The following LARGE1 variants were observed in gnomAD, a reference collection of about 807,000 sequenced individuals.
The protein encoded by LARGE1 is LARGE xylosyl- and glucuronyltransferase 1.
Under a neutral mutation model 87.6 loss-of-function variants are expected in LARGE1, and 43 were observed. The ratio of observed to expected loss-of-function variants is 0.49; its 90% CI spans 0.38 to 0.63. The LOEUF is 0.63. Ranked by LOEUF, LARGE1 falls within the 30% of genes least tolerant of loss-of-function variation. The probability of loss-of-function intolerance (pLI) is 0.00; values close to 1 mark genes in which losing one functional copy is unlikely to be tolerated. For synonymous variants in LARGE1, 434 were observed against 394.6 expected (o/e 1.10, Z -1.18); for missense variants, 802 against 1,000.2 (o/e 0.80, Z 2.67).
intron 2 of LARGE1, among the ~76,000 whole-genome samples, chr22:33,666,520 G>A (rs572094073): frequency 6.2e-4 from 94 of 152,272 alleles, no homozygotes; most frequent in Admixed American, 9.2e-4. Flanking sequence ...CAATAGAGAC[G>A]CACCTATTCT....
chr22:33,183,653 C>G (rs4381873), intron 11 of LARGE1, among the ~76,000 whole-genome samples: 50,848 of 149,862 alleles, frequency 0.34, 9,030 homozygotes, highest in Non-Finnish European at 0.39. Flanking sequence ...CACACACACA[C>G]AGTATTTAGC....
Position 33,541,689 on chromosome 22 carries a change from C to G in LARGE1, c.787+23159G>C, listed in dbSNP as rs74748527. Reference sequence around the variant, plus strand: ...TCTTTTTGTGCTGACTGCCCTCATCCTGTCTGGAGTCATCGTCTTACTGTT... The same window carrying G: ...TCTTTTTGTGCTGACTGCCCTCATCGTGTCTGGAGTCATCGTCTTACTGTT... On this transcript the variant is annotated intron_variant, in intron 6 of 14. Transcript: ENST00000397394. 1.7e-3 allele frequency among the ~76,000 whole-genome samples: 264 copies of G among 151,272 alleles called. 1 individual carries two copies. Among genetic ancestry groups the G allele is most frequent in the African/African-American group, 6.1e-3 (250 of 41,168 alleles).
At chr22:33,333,562 C>T (rs1938023563) in intron 10 of LARGE1, among the ~76,000 whole-genome samples, 1 of 152,202 alleles carries the variant, frequency 6.6e-6, no homozygotes, top group Non-Finnish European at 1.5e-5. Context: ...TCTCTTTTAA[C>T]AGTTCACTTC....
chr22:33,607,232 T>C (rs760241881), intron 4 of LARGE1, among the ~76,000 whole-genome samples: 3 of 151,938 alleles, frequency 2.0e-5, no homozygotes, highest in Non-Finnish European at 4.4e-5. Context: ...GAGGCCGAGG[T>C]GGGCGGATCA....
At chr22:33,754,677 T>C (rs2084444382) in intron 2 of LARGE1, among the ~76,000 whole-genome samples, 2 of 152,234 alleles carry the variant, frequency 1.3e-5, no homozygotes, top group Admixed American at 6.5e-5. Context: ...ACACAACTTT[T>C]GTATTATAAG....
At chr22:33,149,007 T>C in the LARGE1 span, among the ~76,000 whole-genome samples, 1 of 151,802 alleles carries the variant, frequency 6.6e-6, no homozygotes, top group Non-Finnish European at 1.5e-5. Flanking sequence ...TATTTTTTCC[T>C]GGTTTATGGC....
intron 6 of LARGE1, among the ~76,000 whole-genome samples, chr22:33,507,457 G>C (rs5994760): frequency 0.02 from 3,076 of 151,980 alleles, 80 homozygotes; most frequent in African/African-American, 0.058. Flanking sequence ...AAAAAAACCC[G>C]CAAACATCAT....
At chr22:33,530,640 T>C (rs2072152150) in intron 6 of LARGE1, among the ~76,000 whole-genome samples, 1 of 152,180 alleles carries the variant, frequency 6.6e-6, no homozygotes, top group Non-Finnish European at 1.5e-5. Flanking sequence ...AAGCTAGGCA[T>C]AGTTGCGCTC....
the LARGE1 span, among the ~76,000 whole-genome samples, chr22:33,072,168 T>C: frequency 6.6e-6 from 1 of 152,182 alleles, no homozygotes; most frequent in Non-Finnish European, 1.5e-5. Flanking sequence ...TCTCTCGAGA[T>C]CTGCTCAAAA....
At chr22:33,339,797 T>C (rs1416823633) in intron 9 of LARGE1, among the ~76,000 whole-genome samples, 1 of 152,092 alleles carries the variant, frequency 6.6e-6, no homozygotes, top group Non-Finnish European at 1.5e-5. Context: ...GCCCTCTGAA[T>C]AGCTGGGACC....
chr22:33,170,319 A>T (rs1305296485), intron 11 of LARGE1, among the ~76,000 whole-genome samples: 1 of 152,154 alleles, frequency 6.6e-6, no homozygotes, highest in African/African-American at 2.4e-5. Flanking sequence ...TAGTGAGCCG[A>T]GATCATGCCA....
chr22:33,803,772 T>C (rs980742493), intron 1 of LARGE1, among the ~76,000 whole-genome samples: 1 of 152,180 alleles, frequency 6.6e-6, no homozygotes, highest in Non-Finnish European at 1.5e-5. Flanking sequence ...GGAAGCTCAT[T>C]AGAGGTTCCG....
intron 12 of LARGE1, 106 bp from the exon 13 acceptor site, chr22:33,283,454 A>C (rs1930875466): frequency 8.0e-6 from 10 of 1,250,046 alleles, no homozygotes; most frequent in East Asian, 2.3e-5. Flanking sequence ...TGTGGGAAAG[A>C]AAGCTCAGGT....
chr22:33,810,806 T>C (rs928050340), intron 1 of LARGE1, among the ~76,000 whole-genome samples: 7 of 151,802 alleles, frequency 4.6e-5, no homozygotes, highest in African/African-American at 1.7e-4. Flanking sequence ...TCACTGCAAC[T>C]TCCGCCTCCC....
chr22:33,701,128 G>C (rs908370054), intron 2 of LARGE1, among the ~76,000 whole-genome samples: 10 of 152,092 alleles, frequency 6.6e-5, no homozygotes, highest in African/African-American at 2.4e-4. Context: ...GATCACACTC[G>C]GAGTGGTCAC....
At chr22:33,898,903 C>T (rs1382872577) in intron 1 of LARGE1, among the ~76,000 whole-genome samples, 3 of 152,160 alleles carry the variant, frequency 2.0e-5, no homozygotes, top group Non-Finnish European at 4.4e-5. Context: ...TGTTGTTTTC[C>T]AGGACCATTC....
chr22:33,099,542 G>A, the LARGE1 span, among the ~76,000 whole-genome samples: 22,654 of 152,116 alleles, frequency 0.15, 2,133 homozygotes, highest in East Asian at 0.41. Context: ...TTGAGCCACC[G>A]CGCCCGGCGA....
chr22:33,532,390 C>A (rs866360148), intron 6 of LARGE1, among the ~76,000 whole-genome samples: 1 of 152,214 alleles, frequency 6.6e-6, no homozygotes, highest in Non-Finnish European at 1.5e-5. Context: ...TCTGTACCTG[C>A]AGCAGGGAAA....
intron 1 of LARGE1, among the ~76,000 whole-genome samples, chr22:33,839,864 T>C (rs543990394): frequency 2.0e-5 from 3 of 152,346 alleles, no homozygotes; most frequent in East Asian, 1.9e-4. Context: ...CAATGAACTA[T>C]GCCCCTCATT....
Sources: allele counts gnomAD v4.1 joint callset (sites outside exome capture counted in the v4.1 genomes callset), GRCh38; gene constraint gnomAD v4.1.1; transcripts MANE v1.5; gene names NCBI Gene and HGNC (gene_info 2026-07-23, HGNC 2026-07-21).